PCDHGB1: variants seen among roughly 807,000 people sequenced by gnomAD.
PCDHGB1 encodes the protein protocadherin gamma subfamily B, 1.
A neutral mutation model predicts 56.6 loss-of-function variants in PCDHGB1; 34 were observed. That is an observed-to-expected ratio of 0.60 (90% CI 0.46 to 0.80). The LOEUF is 0.80. Ranked by LOEUF, PCDHGB1 falls within the 30% of genes least tolerant of loss-of-function variation. PCDHGB1 has a pLI of 0.00. For missense variants in PCDHGB1, 1,278 were observed against 1,204.6 expected, an observed-to-expected ratio of 1.06 and a Z score of -0.90; for synonymous variants, 561 against 505.9, an observed-to-expected ratio of 1.11 and a Z score of -1.46.
chr5:141,424,434 T>C (rs2096821185), intron 1 of PCDHGB1: 1 of 151,048 alleles, frequency 6.6e-6, no homozygotes, highest in Admixed American at 6.6e-5. Flanking sequence ...GAGGAAATAA[T>C]TGAATTATTG....
Position 141,420,946 on chromosome 5 carries a change from A to G in PCDHGB1, c.2409+68277A>G, listed in dbSNP as rs1561791007. 5 of 400,268 alleles carry G rather than the reference A, an allele frequency of 1.2e-5. No homozygotes were observed. In the East Asian group the frequency reaches 1.7e-4, roughly 14 times the overall value. The allele number at this position is 400,268 out of a possible 1,614,324, so 24.8% of individuals were successfully genotyped here. A position where few individuals can be genotyped will look rare whatever the true frequency, so the allele number is the denominator to read the frequency against. ...AGGTGAGCGTAATCATTTCTTCTGG[A>G]ATTTCTTAGTCGTTGCAATAATAAG... On this transcript the variant is annotated intron_variant, in intron 1 of 3. Coordinates refer to ENST00000523390, the MANE Select transcript of PCDHGB1 (RefSeq NM_018922.3).
rs368093282 is a variant in PCDHGB1 at position 141,350,894 on chromosome 5, A to G, written c.634A>G (p.Met212Val). 1.2e-6 allele frequency: 2 copies of G among 1,613,946 alleles called. No homozygotes were observed. The highest frequency in any genetic ancestry group is 1.7e-6 in the Non-Finnish European group (2 of 1,179,908). The change falls in exon 1 of 4, where the codon ATG becomes GTG. Residue 212 changes from methionine (M) to valine (V), a missense_variant. Physicochemically the swap from Met to Val is conservative, Grantham distance 21. Transcript: ENST00000523390. Reference protein sequence around the residue: ...QSSHRLILTAMDGGDPPLSGT... With the variant: ...QSSHRLILTAVDGGDPPLSGT... Reference sequence around the variant, plus strand: ...CTCTCATCGCTTAATCCTGACTGCCATGGATGGCGGGGACCCGCCTCTAAG... The same window carrying G: ...CTCTCATCGCTTAATCCTGACTGCCGTGGATGGCGGGGACCCGCCTCTAAG...
At chr5:141,404,861 G>A in intron 1 of PCDHGB1, 1 of 1,613,848 alleles carries the variant, frequency 6.2e-7, no homozygotes, top group Non-Finnish European at 8.5e-7. Context: ...AGATAGAGAT[G>A]CGCTCAAACA....
chr5:141,390,207 C>G (rs1359982168), intron 1 of PCDHGB1: 5 of 1,614,028 alleles, frequency 3.1e-6, no homozygotes, highest in African/African-American at 1.3e-5. Flanking sequence ...GAGTTCAGGA[C>G]AAGACATACT....
chr5:141,437,331 A>T (rs2097876062), intron 1 of PCDHGB1, among the ~76,000 whole-genome samples: 1 of 152,244 alleles, frequency 6.6e-6, no homozygotes, highest in South Asian at 2.1e-4. Context: ...TAAAATTTGT[A>T]GCTTCACTGT....
At chr5:141,422,568 C>A (rs372115955) in intron 1 of PCDHGB1, 5 of 1,613,904 alleles carry the variant, frequency 3.1e-6, no homozygotes, top group Admixed American at 3.3e-5. Context: ...CAGATGACAA[C>A]GATAACCCTC....
chr5:141,352,131 C>G lies in PCDHGB1; in HGVS notation c.1871C>G (p.Thr624Arg), dbSNP rs780634408. ...GGGTTGCGCACGGGTGAGGTGCGCACAGCGCGTGCCTTGGGCGACAGGGAC... is the reference window on the plus strand; with the variant it reads ...GGGTTGCGCACGGGTGAGGTGCGCAGAGCGCGTGCCTTGGGCGACAGGGAC... ...SLGLRTGEVR[T>R]ARALGDRDAA... Residue 624 changes from threonine (T) to arginine (R), a missense_variant, in exon 1 of 4, where the codon ACA becomes AGA. By Grantham distance (71) the Thr-to-Arg change is moderately conservative. Transcript: ENST00000523390. 37 of 1,610,516 alleles carry G rather than the reference C, an allele frequency of 2.3e-5. No individual in the cohort carries two copies. The highest frequency in any genetic ancestry group is 2.7e-5 in the Non-Finnish European group (32 of 1,178,980).
chr5:141,476,766 T>C lies in PCDHGB1; in HGVS notation c.2410-18041T>C. ...AGTCTCCAGTTAGTGCTGACGGCGT[T>C]GGACGGAGGGACCCCAGCTCTCTCC... On this transcript the variant is annotated intron_variant, in intron 1 of 3. Coordinates refer to ENST00000523390, the MANE Select transcript of PCDHGB1 (RefSeq NM_018922.3). This position sits in a 1 kb window ranked among gnomAD's most constrained non-coding sequence, Gnocchi z 7.6. The C allele has an allele frequency of 1.9e-6, 3 of 1,613,626 alleles. No individual in the cohort carries two copies. The highest frequency in any genetic ancestry group is 2.5e-6 in the Non-Finnish European group (3 of 1,179,952).
At chr5:141,372,457 TAC>T (rs774918013) in intron 1 of PCDHGB1, 3 of 1,614,052 alleles carry the variant, frequency 1.9e-6, no homozygotes, top group Non-Finnish European at 1.7e-6. Flanking sequence ...CAGGCGGAGC[TAC>T]AGTTTCACCT....
At chr5:141,500,152 A>C (rs1301287171) in intron 2 of PCDHGB1, among the ~76,000 whole-genome samples, 1 of 151,610 alleles carries the variant, frequency 6.6e-6, no homozygotes, top group African/African-American at 2.4e-5. Flanking sequence ...TTCTTTGTGT[A>C]ATCAAAGAAC....
At chr5:141,364,768 G>A (rs1442604724) in intron 1 of PCDHGB1, 3 of 1,613,956 alleles carry the variant, frequency 1.9e-6, no homozygotes, top group Non-Finnish European at 8.5e-7. Flanking sequence ...ATGAAAATGC[G>A]GCTGCAGGGA....
At position 141,485,464 on chromosome 5, in the gene PCDHGB1, G is replaced by A. The variant is rs2099614016; in HGVS notation, c.2410-9343G>A. ...CAATCGACCGAGAGGCACTGTGTGG[G>A]CTCAGTGCCAGCTGCATCGTGCCCC... is the stretch of plus-strand genomic sequence containing the variant. On this transcript the variant is annotated intron_variant, in intron 1 of 3. Coordinates refer to ENST00000523390, the MANE Select transcript of PCDHGB1 (RefSeq NM_018922.3). The surrounding 1 kb of genome is among the most constrained non-coding windows in gnomAD (Gnocchi z 5.7). 6.2e-7 allele frequency: 1 copy of A among 1,614,106 alleles called. No homozygotes were observed. The highest frequency in any genetic ancestry group is 8.5e-7 in the Non-Finnish European group (1 of 1,179,958).
In PCDHGB1 at chr5:141,461,484, T is replaced by C. The variant is rs1171584384; in HGVS notation, c.2410-33323T>C. On this transcript the variant is annotated intron_variant, in intron 1 of 3. Transcript: ENST00000523390. ...GTCCTTTGCCTACTTTTTAATGGGATTGTGTTTTATTTTTCTTGGTGATTT... is the reference window on the plus strand; with the variant it reads ...GTCCTTTGCCTACTTTTTAATGGGACTGTGTTTTATTTTTCTTGGTGATTT... 2.6e-5 allele frequency among the ~76,000 whole-genome samples: 4 copies of C among 152,152 alleles called. No homozygotes were observed. In the East Asian group the frequency reaches 7.7e-4, roughly 29 times the overall value.
intron 1 of PCDHGB1, among the ~76,000 whole-genome samples, chr5:141,451,410 G>T (rs1201545799): frequency 6.6e-6 from 1 of 152,190 alleles, no homozygotes; most frequent in East Asian, 1.9e-4. Context: ...TAAGTTCCTT[G>T]TGGATTGTTA....
chr5:141,497,829 C>T (rs754594104), intron 2 of PCDHGB1, among the ~76,000 whole-genome samples: 147 of 152,160 alleles, frequency 9.7e-4, no homozygotes, highest in Non-Finnish European at 1.8e-3. Flanking sequence ...TGTGATCGCC[C>T]CCGGCCACAA....
chr5:141,360,755 T>A, intron 1 of PCDHGB1: 1 of 1,613,972 alleles, frequency 6.2e-7, no homozygotes, highest in Non-Finnish European at 8.5e-7. Flanking sequence ...GAGCACAGTT[T>A]ACATCAATTG....
chr5:141,375,241 C>G (rs774856817), intron 1 of PCDHGB1: 20 of 1,613,942 alleles, frequency 1.2e-5, no homozygotes, highest in Non-Finnish European at 1.7e-5. Context: ...CCTGTTCCAT[C>G]CCGAGAAGTC....
intron 1 of PCDHGB1, chr5:141,423,660 G>T (rs765304048): frequency 1.3e-6 from 2 of 1,560,582 alleles, no homozygotes; most frequent in Non-Finnish European, 8.6e-7. Context: ...CAAGTAATCA[G>T]GTGAGATTTA....
intron 1 of PCDHGB1, among the ~76,000 whole-genome samples, chr5:141,460,914 A>G (rs62379191): frequency 4.9e-5 from 6 of 122,236 alleles, no homozygotes; most frequent in Non-Finnish European, 5.2e-5. Context: ...TCCATGGTGT[A>G]TATATATATA....
Sources: gnomAD v4.1 joint callset for allele counts (sites outside exome capture counted in the v4.1 genomes callset) on GRCh38, gnomAD v4.1.1 for gene constraint, Gnocchi (gnomAD v3.1) non-coding constraint, MANE v1.5 for transcripts, NCBI Gene and HGNC (gene_info 2026-07-23, HGNC 2026-07-21) for gene names.